Variants in KMT2C observed in about 807,000 individuals in gnomAD.
The protein encoded by KMT2C is lysine methyltransferase 2C, also known as histone-lysine N-methyltransferase 2C.
In KMT2C, 88 loss-of-function variants were observed where a neutral mutation model predicts 507.9. That is an observed-to-expected ratio of 0.17 (90% CI 0.15 to 0.21). The LOEUF is 0.21. Among genes scored for constraint, KMT2C ranks in the 10% least tolerant of loss-of-function variants. The pLI is 1.00. For missense variants in KMT2C, 4,954 were observed against 5,957.8 expected, an observed-to-expected ratio of 0.83 and a Z score of 5.55; for synonymous variants, 2,049 against 2,080.8, an observed-to-expected ratio of 0.98 and a Z score of 0.42.
intron 2 of KMT2C, among the ~76,000 whole-genome samples, chr7:152,337,268 C>T (rs1316367507): frequency 6.6e-6 from 1 of 152,156 alleles, no homozygotes; most frequent in Non-Finnish European, 1.5e-5. Flanking sequence ...AAGTCCCTGT[C>T]TCAACAACAA....
intron 1 of KMT2C, among the ~76,000 whole-genome samples, chr7:152,411,119 A>G (rs75076048): frequency 6.6e-6 from 1 of 151,298 alleles, no homozygotes; most frequent in Admixed American, 6.6e-5. Context: ...GGTTAAATAC[A>G]TAATAAATAC....
At chr7:152,299,936 T>A (rs752538776) in intron 6 of KMT2C, among the ~76,000 whole-genome samples, 2 of 151,876 alleles carry the variant, frequency 1.3e-5, no homozygotes, top group African/African-American at 2.4e-5. Context: ...AAAGCTAGAG[T>A]AGAAATACTA....
intron 2 of KMT2C, among the ~76,000 whole-genome samples, chr7:152,343,166 G>C (rs748830371): frequency 5.3e-5 from 8 of 152,104 alleles, no homozygotes; most frequent in Non-Finnish European, 8.8e-5. Context: ...GATGCAGGAA[G>C]GAATTTGAAA....
intron 23 of KMT2C, among the ~76,000 whole-genome samples, chr7:152,212,589 C>G (rs2094479062): frequency 6.6e-6 from 1 of 151,806 alleles, no homozygotes. Context: ...ATACAAAAAT[C>G]AGATGCATTT....
intron 7 of KMT2C, among the ~76,000 whole-genome samples, chr7:152,270,368 T>C (rs977830509): frequency 9.9e-5 from 15 of 152,216 alleles, no homozygotes; most frequent in African/African-American, 3.6e-4. Context: ...AGCTAAATGA[T>C]GAGTAAATAC....
intron 2 of KMT2C, among the ~76,000 whole-genome samples, chr7:152,349,769 C>T (rs755409271): frequency 3.9e-5 from 6 of 151,966 alleles, no homozygotes; most frequent in Non-Finnish European, 8.8e-5. Flanking sequence ...CAAGAGTGAA[C>T]CCTTATGTGA....
rs1415315513 is a variant in KMT2C, at chr7:152,138,051, G to C, written c.14643+745C>G. On this transcript the variant is annotated intron_variant, in intron 58 of 58. Transcript: ENST00000262189. The surrounding 1 kb of genome is among the most constrained non-coding windows in gnomAD (Gnocchi z 4.2). ...CACTCAGGTGCCTCACTCCCCAAATGCGGGACGTTTCCTACAGAAACCAAG... is the reference window on the plus strand; with the variant it reads ...CACTCAGGTGCCTCACTCCCCAAATCCGGGACGTTTCCTACAGAAACCAAG... The C allele has an allele frequency of 6.6e-6, 1 of 152,206 alleles. No individual in the cohort carries two copies. The highest frequency in any genetic ancestry group is 1.5e-5 in the Non-Finnish European group (1 of 68,042). The allele number at this position is 152,206 out of a possible 1,614,324, so 9.4% of individuals were successfully genotyped here.
At chr7:152,363,103 A>T (rs2097209967) in intron 1 of KMT2C, among the ~76,000 whole-genome samples, 1 of 152,240 alleles carries the variant, frequency 6.6e-6, no homozygotes, top group African/African-American at 2.4e-5. Flanking sequence ...TCAGTTGCCA[A>T]CTTTCATATT....
At chr7:152,425,125 T>C (rs1423127061) in intron 1 of KMT2C, among the ~76,000 whole-genome samples, 3 of 152,322 alleles carry the variant, frequency 2.0e-5, no homozygotes, top group Non-Finnish European at 2.9e-5. Context: ...CTTTATTTAC[T>C]GTAAAAGTAA....
chr7:152,387,631 C>T (rs143772096), intron 1 of KMT2C, among the ~76,000 whole-genome samples: 2,353 of 152,260 alleles, frequency 0.015, 23 homozygotes, highest in African/African-American at 0.054. Context: ...CCACCATACC[C>T]GGCTAATTTT....
At chr7:152,374,077 C>T (rs1208329591) in intron 1 of KMT2C, among the ~76,000 whole-genome samples, 1 of 152,052 alleles carries the variant, frequency 6.6e-6, no homozygotes. Context: ...CTTTGGGAGG[C>T]CAAAGCGGGC....
At chr7:152,377,628 G>C (rs576646316) in intron 1 of KMT2C, among the ~76,000 whole-genome samples, 1 of 151,724 alleles carries the variant, frequency 6.6e-6, no homozygotes, top group South Asian at 2.1e-4. Flanking sequence ...CCAGATACTC[G>C]GGGGAGCTGA....
At chr7:152,360,659 C>T (rs1417463216) in intron 1 of KMT2C, among the ~76,000 whole-genome samples, 4 of 151,620 alleles carry the variant, frequency 2.6e-5, no homozygotes, top group African/African-American at 9.7e-5. Flanking sequence ...CATGGAGAAA[C>T]CCCGTCACTA....
chr7:152,199,456 C>T lies in KMT2C; in HGVS notation c.4096G>A (p.Ala1366Thr). 1.3e-6 allele frequency: 2 copies of T among 1,549,246 alleles called. No individual in the cohort carries two copies. The highest frequency in any genetic ancestry group is 2.4e-5 in the East Asian group (1 of 42,320). Reference sequence around the variant, plus strand: ...TCTAGAAGATCTTTTCCAAAGAAAGCTTCCTAGATGAAGATAAGCACATAC... The same window carrying T: ...TCTAGAAGATCTTTTCCAAAGAAAGTTTCCTAGATGAAGATAAGCACATAC... ...EETFPAYLQE[A>T]FFGKDLLDTS... Residue 1366 changes from alanine (A) to threonine (T), a missense_variant, in exon 27 of 59, where the codon GCT (alanine) becomes ACT (threonine). Ala to Thr is a moderately conservative substitution (Grantham distance 58). Coordinates refer to ENST00000262189, the MANE Select transcript of KMT2C (RefSeq NM_170606.3).
chr7:152,431,321 A>G (rs181331446), intron 1 of KMT2C, among the ~76,000 whole-genome samples: 87 of 152,236 alleles, frequency 5.7e-4, no homozygotes, highest in Admixed American at 3.9e-3. Context: ...TCCCTGGGCC[A>G]GGTGCGGTGT....
chr7:152,422,521 C>A (rs1243423080), intron 1 of KMT2C, among the ~76,000 whole-genome samples: 1 of 152,094 alleles, frequency 6.6e-6, no homozygotes, highest in Non-Finnish European at 1.5e-5. Context: ...GCAGTCACTA[C>A]CAATCAACCG....
rs77255964 is a variant in KMT2C at position 152,275,721 on chromosome 7, C to T, written c.850-1854G>A. 5.6e-3 allele frequency among the ~76,000 whole-genome samples: 852 copies of T among 152,140 alleles called. 4 individuals carry two copies. Among genetic ancestry groups the T allele is most frequent in the Non-Finnish European group, 7.4e-3 (506 of 67,994 alleles). On this transcript the variant is annotated intron_variant, in intron 6 of 58. Transcript: ENST00000262189. ...AGAATTAACTACAAATACAACACCT[C>T]GGTAGTCTAAATGTCTGAATAGAAA...
At chr7:152,143,536 G>C (rs2090813023) in intron 55 of KMT2C, among the ~76,000 whole-genome samples, 1 of 152,262 alleles carries the variant, frequency 6.6e-6, no homozygotes, top group East Asian at 1.9e-4. Context: ...TGACACTGCT[G>C]CTTCTAGTCT....
At chr7:152,202,294 T>A (rs1200811522) in intron 26 of KMT2C, among the ~76,000 whole-genome samples, 1 of 152,200 alleles carries the variant, frequency 6.6e-6, no homozygotes, top group Non-Finnish European at 1.5e-5. Flanking sequence ...AGCCAGATAT[T>A]TAATCTCAGT....
Sources: gnomAD v4.1 joint callset for allele counts (sites outside exome capture counted in the v4.1 genomes callset) on GRCh38, gnomAD v4.1.1 for gene constraint, Gnocchi (gnomAD v3.1) non-coding constraint, MANE v1.5 for transcripts, NCBI Gene and HGNC (gene_info 2026-07-23, HGNC 2026-07-21) for gene names.